CDH1: variants seen among roughly 807,000 people sequenced by gnomAD.
The protein encoded by CDH1 is cadherin-1.
A neutral mutation model predicts 84.5 loss-of-function variants in CDH1; 35 were observed. That is an observed-to-expected ratio of 0.41 (90% CI 0.32 to 0.55). CDH1 has a LOEUF of 0.55. Ranked by LOEUF, CDH1 falls within the 20% of genes least tolerant of loss-of-function variation. The pLI, the probability that CDH1 is intolerant of heterozygous loss-of-function variation, is 0.19. For synonymous variants in CDH1, 417 were observed against 439.0 expected (o/e 0.95, Z 0.63); for missense variants, 994 against 1,126.6 (o/e 0.88, Z 1.68).
In CDH1 at chr16:68,815,723, C is replaced by T. The variant is rs1344960746; in HGVS notation, c.1529C>T (p.Ala510Val). 6.2e-7 allele frequency: 1 copy of T among 1,614,202 alleles called. No homozygotes were observed. Among genetic ancestry groups the T allele is most frequent in the African/African-American group, 1.3e-5 (1 of 75,044 alleles). Reference sequence around the variant, plus strand: ...GGCCAGGAAATCACATCCTACACTGCCCAGGAGCCAGACACATTTATGGAA... The same window carrying T: ...GGCCAGGAAATCACATCCTACACTGTCCAGGAGCCAGACACATTTATGGAA... ...GVGQEITSYT[A>V]QEPDTFMEQK... The change falls in exon 10 of 16, where the codon GCC becomes GTC. Residue 510 changes from alanine (A) to valine (V), a missense_variant. This residue lies in a region of CDH1 where 769 missense variants were observed against 881.8 expected (regional missense o/e 0.87). Transcript: ENST00000261769.
At chr16:68,758,629 T>A (rs1457472795) in intron 2 of CDH1, among the ~76,000 whole-genome samples, 1 of 135,684 alleles carries the variant, frequency 7.4e-6, no homozygotes, top group Non-Finnish European at 1.5e-5. Flanking sequence ...TCTCATTAGA[T>A]GTTTCTGCTT....
At chr16:68,823,279 G>A (rs1961218401) in intron 12 of CDH1, 120 bp from the exon 13 acceptor site, 6 of 702,480 alleles carry the variant, frequency 8.5e-6, no homozygotes, top group South Asian at 4.8e-5. Flanking sequence ...TAAAACCCAA[G>A]CAGCTCTGCT....
Position 68,819,279 on chromosome 16 carries a change from G to C in CDH1, c.1566-1G>C, listed in dbSNP as rs113583899. ...AAAAGCCAGAGCTTGTCCCCGTTCA[G>C]ATATCGGATTTGGAGAGACACTGCC... On this transcript the variant is annotated splice_acceptor_variant, in intron 10 of 15. Coordinates refer to ENST00000261769, the MANE Select transcript of CDH1 (RefSeq NM_004360.5). LOFTEE classifies it high-confidence loss of function. 1.9e-6 allele frequency: 3 copies of C among 1,614,082 alleles called. No individual in the cohort carries two copies. The highest frequency in any genetic ancestry group is 2.5e-6 in the Non-Finnish European group (3 of 1,180,038).
chr16:68,772,833 G>A (rs991710913), intron 2 of CDH1, among the ~76,000 whole-genome samples: 2 of 151,998 alleles, frequency 1.3e-5, no homozygotes, highest in African/African-American at 4.8e-5. Flanking sequence ...AGGCTGAGGT[G>A]GGAGGATCGC....
intron 2 of CDH1, among the ~76,000 whole-genome samples, chr16:68,791,472 G>C (rs1458888252): frequency 6.6e-6 from 1 of 152,004 alleles, no homozygotes; most frequent in Non-Finnish European, 1.5e-5. Flanking sequence ...GCCCAGGCTG[G>C]AGTGCAGTGG....
intron 9 of CDH1, among the ~76,000 whole-genome samples, chr16:68,813,714 G>A (rs1260554670): frequency 2.0e-5 from 3 of 152,176 alleles, no homozygotes; most frequent in Admixed American, 1.3e-4. Context: ...TGTAATCCCA[G>A]CACTTAGGGA....
chr16:68,823,705 C>G (rs1961240984), intron 13 of CDH1, 79 bp downstream of exon 13: 1 of 959,676 alleles, frequency 1.0e-6, no homozygotes, highest in East Asian at 2.6e-5. Flanking sequence ...GATTTTTGTT[C>G]TTATATTAAT....
intron 2 of CDH1, among the ~76,000 whole-genome samples, chr16:68,795,181 A>G (rs189590842): frequency 1.1e-4 from 17 of 152,294 alleles, no homozygotes; most frequent in African/African-American, 2.9e-4. Context: ...CCCCAGTGTC[A>G]TCTAAGAAAA....
chr16:68,810,143 T>C, intron 5 of CDH1, 54 bp from the exon 6 acceptor site: 1 of 1,607,534 alleles, frequency 6.2e-7, no homozygotes, highest in Non-Finnish European at 8.5e-7. Context: ...GGGCCCCTTC[T>C]CCCATGTTTT....
In CDH1 at chr16:68,833,551, C is replaced by T. The variant is rs1248914677; in HGVS notation, c.*52C>T. The T allele has an allele frequency of 6.8e-7, 1 of 1,470,334 alleles. No individual in the cohort carries two copies. The highest frequency in any genetic ancestry group is 1.4e-5 in the African/African-American group (1 of 72,138). 91.1% of individuals were successfully genotyped at this position (1,470,334 alleles called of 1,614,324 possible). ...CCCATGTGCTGGGAAATGCAGAAAT[C>T]ACGTTGCTGGTGGTTTTTCAGCTCC... On this transcript the variant is annotated 3_prime_UTR_variant, in exon 16 of 16. Coordinates refer to ENST00000261769, the MANE Select transcript of CDH1 (RefSeq NM_004360.5).
chr16:68,787,413 G>A (rs1960084103), intron 2 of CDH1, among the ~76,000 whole-genome samples: 1 of 152,120 alleles, frequency 6.6e-6, no homozygotes, highest in Non-Finnish European at 1.5e-5. Context: ...AGCAACATAG[G>A]AGTCAATGTA....
At chr16:68,754,621 G>A (rs1471175968) in intron 2 of CDH1, among the ~76,000 whole-genome samples, 4 of 152,138 alleles carry the variant, frequency 2.6e-5, no homozygotes, top group Non-Finnish European at 5.9e-5. Context: ...CTTTATAGCA[G>A]GAAAAGGCAA....
At chr16:68,776,133 C>T (rs558970554) in intron 2 of CDH1, among the ~76,000 whole-genome samples, 10 of 152,252 alleles carry the variant, frequency 6.6e-5, no homozygotes, top group South Asian at 2.1e-4. Context: ...ACTGTAGGCA[C>T]GCACCACCAT....
chr16:68,744,297 G>A (rs975285342), intron 2 of CDH1, among the ~76,000 whole-genome samples: 1 of 152,140 alleles, frequency 6.6e-6, no homozygotes, highest in East Asian at 1.9e-4. Flanking sequence ...AGCTGTGCAG[G>A]GCAGGCAGGG....
chr16:68,750,640 A>G (rs1962863003), intron 2 of CDH1, among the ~76,000 whole-genome samples: 1 of 151,718 alleles, frequency 6.6e-6, no homozygotes, highest in African/African-American at 2.4e-5. Context: ...GGCAAGTTCA[A>G]GAAGAAGAAG....
intron 2 of CDH1, among the ~76,000 whole-genome samples, chr16:68,738,899 G>C (rs1196224332): frequency 1.4e-5 from 2 of 138,014 alleles, no homozygotes; most frequent in Non-Finnish European, 3.1e-5. Flanking sequence ...CCCTCTCTTG[G>C]TTACTGGGCT....
At chr16:68,810,689 C>A (rs986099447) in intron 6 of CDH1, among the ~76,000 whole-genome samples, 1 of 151,466 alleles carries the variant, frequency 6.6e-6, no homozygotes, top group Non-Finnish European at 1.5e-5. Flanking sequence ...CATGGTGAAA[C>A]CTCGTCTCTA....
rs149646783 is a variant in CDH1 at position 68,782,748 on chromosome 16, GC to G, written c.164-18919del. 2.6e-5 allele frequency among the ~76,000 whole-genome samples: 4 copies of G among 152,240 alleles called. No homozygotes were observed. In the East Asian group the frequency reaches 7.7e-4, roughly 29 times the overall value. Reference sequence around the variant, plus strand: ...TGACCGATCCTTCGCAAAGGAGTCAGCCCTAGAATTGTTGACAGTGAGCCCG... The same window carrying G: ...TGACCGATCCTTCGCAAAGGAGTCAGCCTAGAATTGTTGACAGTGAGCCCG... On this transcript the variant is annotated intron_variant, in intron 2 of 15. Transcript: ENST00000261769.
intron 5 of CDH1, among the ~76,000 whole-genome samples, chr16:68,809,843 A>G (rs1567505415): frequency 6.6e-6 from 1 of 152,186 alleles, no homozygotes; most frequent in Non-Finnish European, 1.5e-5. Context: ...TATTGATGCC[A>G]AATTCAGAAA....
Sources: gnomAD v4.1 joint callset for allele counts (sites outside exome capture counted in the v4.1 genomes callset) on GRCh38, gnomAD v4.1.1 for gene constraint, gnomAD v4.1.1 regional missense constraint, MANE v1.5 for transcripts, NCBI Gene and HGNC (gene_info 2026-07-23, HGNC 2026-07-21) for gene names.